The following CDC34 variants were observed in gnomAD, a reference collection of about 807,000 sequenced individuals.
The protein encoded by CDC34 is cell division cycle 34, ubiquitin conjugating enzyme.
CDC34 carries 18 observed loss-of-function variants against 26.8 expected under a neutral mutation model. The ratio of observed to expected loss-of-function variants is 0.67; its 90% CI spans 0.47 to 1.00. CDC34 has a LOEUF of 1.00. CDC34 is among the 50% of genes least tolerant of loss of function. CDC34 has a pLI of 0.00. For synonymous variants in CDC34, 178 were observed against 147.5 expected (o/e 1.21, Z -1.50); for missense variants, 280 against 334.5 (o/e 0.84, Z 1.27).
intron 1 of CDC34, among the ~76,000 whole-genome samples, chr19:535,413 G>A (rs1023256869): frequency 6.6e-6 from 1 of 152,252 alleles, no homozygotes; most frequent in Non-Finnish European, 1.5e-5. Flanking sequence ...AGGCCCTGGA[G>A]GTGCAGCCCT....
chr19:538,906 C>T (rs16989783), intron 4 of CDC34: 191 of 985,262 alleles, frequency 1.9e-4, no homozygotes, highest in Non-Finnish European at 2.1e-4. Context: ...TCGGTGGCCC[C>T]GGTCCGGTCG....
Position 541,716 on chromosome 19 carries a change from T to G in CDC34, c.*164T>G. On this transcript the variant is annotated 3_prime_UTR_variant, in exon 5 of 5. Transcript: ENST00000215574. ...ATGTCTGTTCTGGGTTTTCACGTGCTTCAGAGAAGAGGGGCTGCCCCACCG... is the reference window on the plus strand; with the variant it reads ...ATGTCTGTTCTGGGTTTTCACGTGCGTCAGAGAAGAGGGGCTGCCCCACCG... 9.7e-6 allele frequency: 7 copies of G among 721,644 alleles called. No homozygotes were observed. The highest frequency in any genetic ancestry group is 2.6e-5 in the South Asian group (1 of 37,860). 44.7% of individuals were successfully genotyped at this position (721,644 alleles called of 1,614,324 possible).
intron 4 of CDC34, 41 bp from the exon 5 acceptor site, chr19:541,298 C>T: frequency 6.7e-7 from 1 of 1,492,018 alleles, no homozygotes; most frequent in Non-Finnish European, 8.9e-7. Flanking sequence ...GGGCCGAGTC[C>T]AGGCACGTGG....
rs1979494452 is a variant in CDC34, at chr19:531,775, C to G, written c.-157C>G. On this transcript the variant is annotated 5_prime_UTR_variant, in exon 1 of 5. Transcript: ENST00000215574. ...CGGCGGCGCCAGAGCTGCTGGAGCG[C>G]TCGGGGTCCCCGGGCGGCGGCGGCG... 1 of 205,020 alleles carries G rather than the reference C, an allele frequency of 4.9e-6. No homozygotes were observed. The highest frequency in any genetic ancestry group is 2.4e-5 in the African/African-American group (1 of 41,702). 12.7% of individuals were successfully genotyped at this position (205,020 alleles called of 1,614,324 possible).
chr19:537,651 CTTTTTTT>C (rs773623358), intron 4 of CDC34, among the ~76,000 whole-genome samples: 3 of 67,088 alleles, frequency 4.5e-5, no homozygotes, highest in Non-Finnish European at 8.3e-5. Flanking sequence ...CGCGGCCGGC[CTTTTTTT>C]TTTTTTTTTT....
intron 4 of CDC34, chr19:538,838 G>C (rs957639213): frequency 1.0e-6 from 1 of 985,214 alleles, no homozygotes. Context: ...GCAAGCACCT[G>C]CTGGCCTCTG....
rs1032060658 is a variant in CDC34, at chr19:542,017, C to T, written c.*465C>T. Reference sequence around the variant, plus strand: ...GGAGCCACGTCCAGCACAGAGTGGACGGATTCACCGTGGCCGACTCTTTTC... The same window carrying T: ...GGAGCCACGTCCAGCACAGAGTGGATGGATTCACCGTGGCCGACTCTTTTC... On this transcript the variant is annotated 3_prime_UTR_variant, in exon 5 of 5. Transcript: ENST00000215574. The T allele has an allele frequency of 7.1e-5, 11 of 154,346 alleles. No homozygotes were observed. The highest frequency in any genetic ancestry group is 1.3e-4 in the Admixed American group (2 of 15,442). The allele number at this position is 154,346 out of a possible 1,614,324, so 9.6% of individuals were successfully genotyped here. A position where few individuals can be genotyped will look rare whatever the true frequency, so the allele number is the denominator to read the frequency against.
chr19:535,756 G>T, intron 1 of CDC34, 81 bp from the exon 2 acceptor site: 8 of 1,046,446 alleles, frequency 7.6e-6, no homozygotes, highest in South Asian at 1.3e-5. Flanking sequence ...CACTGGGAGT[G>T]GGATGGCCTT....
intron 1 of CDC34, among the ~76,000 whole-genome samples, chr19:532,666 C>G (rs1979551130): frequency 1.3e-5 from 2 of 152,242 alleles, no homozygotes; most frequent in Non-Finnish European, 1.5e-5. Context: ...CTCGCTCAGT[C>G]TCCAACAAAG....
chr19:536,203 T>C, intron 2 of CDC34, 40 bp from the exon 3 acceptor site: 1 of 1,520,032 alleles, frequency 6.6e-7, no homozygotes, highest in South Asian at 1.2e-5. Context: ...GAGCCCGTGC[T>C]GACCTCTGAC....
intron 4 of CDC34, among the ~76,000 whole-genome samples, chr19:540,030 G>A (rs958423831): frequency 3.2e-4 from 44 of 136,600 alleles, no homozygotes; most frequent in Non-Finnish European, 6.3e-4. Flanking sequence ...TCCGGAGGCC[G>A]GGGTGGCCAG....
At chr19:539,893 G>C (rs867426383) in intron 4 of CDC34, among the ~76,000 whole-genome samples, 27 of 152,264 alleles carry the variant, frequency 1.8e-4, no homozygotes, top group African/African-American at 6.3e-4. Context: ...TCATAGGGCC[G>C]GGTGTACACG....
At chr19:538,824 G>A (rs1446543305) in intron 4 of CDC34, 1 of 985,216 alleles carries the variant, frequency 1.0e-6, no homozygotes, top group Non-Finnish European at 1.2e-6. Context: ...CTGGGAAGTG[G>A]CCTGCAAGCA....
At chr19:532,847 C>A (rs909248702) in intron 1 of CDC34, among the ~76,000 whole-genome samples, 2 of 152,170 alleles carry the variant, frequency 1.3e-5, no homozygotes, top group South Asian at 4.1e-4. Context: ...CTCCAGGCCT[C>A]CCGGCTCGGG....
intron 1 of CDC34, among the ~76,000 whole-genome samples, chr19:533,764 T>A (rs1979603242): frequency 6.6e-6 from 1 of 152,210 alleles, no homozygotes; most frequent in Admixed American, 6.5e-5. Context: ...AGGGGGCCTC[T>A]AGACATCTGC....
chr19:532,597 G>A (rs1204946910), intron 1 of CDC34, among the ~76,000 whole-genome samples: 1 of 152,072 alleles, frequency 6.6e-6, no homozygotes, highest in East Asian at 1.9e-4. Context: ...TGCTATTGTT[G>A]GGGAGCTGGG....
At chr19:537,727 C>T (rs1400143020) in intron 4 of CDC34, among the ~76,000 whole-genome samples, 1 of 140,374 alleles carries the variant, frequency 7.1e-6, no homozygotes, top group African/African-American at 2.6e-5. Flanking sequence ...GCGATCTCGG[C>T]TCACTGCAGC....
At chr19:532,130 C>A (rs1183485152) in intron 1 of CDC34, 22 bp downstream of exon 1, 2 of 1,478,312 alleles carry the variant, frequency 1.4e-6, no homozygotes, top group East Asian at 2.9e-5. Flanking sequence ...GACCCCCGCC[C>A]GGGTCCCGGA....
intron 4 of CDC34, chr19:538,672 C>A: frequency 1.0e-6 from 1 of 981,388 alleles, no homozygotes; most frequent in Non-Finnish European, 1.2e-6. Context: ...GTCTTCCTCG[C>A]CCCAGGACCC....
Sources: allele counts gnomAD v4.1 joint callset (sites outside exome capture counted in the v4.1 genomes callset), GRCh38; gene constraint gnomAD v4.1.1; transcripts MANE v1.5; gene names NCBI Gene and HGNC (gene_info 2026-07-23, HGNC 2026-07-21).